Variants in GREB1L observed in about 807,000 individuals in gnomAD.
GREB1L encodes GREB1-like protein.
GREB1L carries 17 observed loss-of-function variants against 200.8 expected under a neutral mutation model. That is an observed-to-expected ratio of 0.08 (90% CI 0.06 to 0.13). GREB1L has a LOEUF of 0.13. Among genes scored for constraint, GREB1L ranks in the 10% least tolerant of loss-of-function variants. GREB1L has a pLI of 1.00. For synonymous variants in GREB1L, 789 were observed against 893.0 expected (o/e 0.88, Z 2.08); for missense variants, 1,657 against 2,367.7 (o/e 0.70, Z 6.23).
At chr18:21,284,405 A>G (rs2038320761) in intron 1 of GREB1L, among the ~76,000 whole-genome samples, 1 of 152,200 alleles carries the variant, frequency 6.6e-6, no homozygotes, top group Non-Finnish European at 1.5e-5. Flanking sequence ...TATTCTAGAA[A>G]TTTCATACAG....
chr18:21,372,693 G>A (rs1446728190), intron 2 of GREB1L, among the ~76,000 whole-genome samples: 27 of 151,990 alleles, frequency 1.8e-4, no homozygotes, highest in East Asian at 1.2e-3. Context: ...AGGCCGAGGC[G>A]GGTGGATCAC....
chr18:21,515,092 C>T (rs1190385258), intron 28 of GREB1L, among the ~76,000 whole-genome samples: 1 of 152,112 alleles, frequency 6.6e-6, no homozygotes, highest in Non-Finnish European at 1.5e-5. Flanking sequence ...ACACAATTAC[C>T]AGAACTGGGA....
In GREB1L at chr18:21,353,452, T is replaced by G. The variant is rs114120362; in HGVS notation, c.-119-12575T>G. The stretch of plus-strand genomic sequence containing the variant: ...GGGTGGGGGTACTAATGTTTTACTT[T>G]ATTATATATATAATAGACATTAGCT... On this transcript the variant is annotated intron_variant, in intron 1 of 32. Coordinates refer to ENST00000424526, the MANE Select transcript of GREB1L (RefSeq NM_001142966.3). Among the ~76,000 whole-genome samples the G allele has an allele frequency of 7.7e-3, 1,169 of 152,198 alleles. 13 individuals are homozygous for G. Among genetic ancestry groups the G allele is most frequent in the African/African-American group, 0.026 (1,097 of 41,546 alleles).
chr18:21,458,840 C>CT (rs2034901261), intron 15 of GREB1L, among the ~76,000 whole-genome samples: 1 of 152,042 alleles, frequency 6.6e-6, no homozygotes, highest in Admixed American at 6.5e-5. Context: ...TTTTAGTGTC[C>CT]TTTTTTTAGA....
At position 21,490,040 on chromosome 18, in the gene GREB1L, C is replaced by T. The variant is rs1220209021; in HGVS notation, c.2719C>T (p.Arg907Cys). ...CCCCAGGCTGCACAGCATGGTCGTC[C>T]GCTGCTATCTTCTCATCCAGCAGTA... Reference protein sequence around the residue: ...RYPRLHSMVVRCYLLIQQYSE... With the variant: ...RYPRLHSMVVCCYLLIQQYSE... The change falls in exon 19 of 33, where the codon CGC becomes TGC. Residue 907 changes from arginine to cysteine, a missense_variant. Transcript: ENST00000424526. 1.3e-6 allele frequency: 2 copies of T among 1,551,734 alleles called. No individual in the cohort carries two copies. Among genetic ancestry groups the T allele is most frequent in the East Asian group, 2.4e-5 (1 of 40,916 alleles).
At chr18:21,520,530 TTAAC>T (rs1251584415) in intron 31 of GREB1L, among the ~76,000 whole-genome samples, 154 bp from the exon 32 acceptor site, 2 of 152,232 alleles carry the variant, frequency 1.3e-5, no homozygotes, top group South Asian at 4.1e-4. Flanking sequence ...GCTGCAAAGC[TTAAC>T]TAACCAAGCC....
intron 1 of GREB1L, among the ~76,000 whole-genome samples, chr18:21,338,259 C>A (rs1040299113): frequency 2.0e-5 from 3 of 152,196 alleles, no homozygotes; most frequent in Non-Finnish European, 4.4e-5. Context: ...AATAAGAGCT[C>A]TACATGGCAA....
intron 1 of GREB1L, among the ~76,000 whole-genome samples, chr18:21,361,015 T>C (rs1458804825): frequency 7.2e-5 from 11 of 152,202 alleles, no homozygotes; most frequent in Admixed American, 7.2e-4. Flanking sequence ...TGGTGGTCTG[T>C]TATCTATTTT....
At chr18:21,507,523 G>GA (rs1004151313) in intron 25 of GREB1L, among the ~76,000 whole-genome samples, 6 of 152,148 alleles carry the variant, frequency 3.9e-5, no homozygotes, top group African/African-American at 9.7e-5. Flanking sequence ...ATAGGTTACT[G>GA]AAAAAACGTG....
At chr18:21,458,768 A>T (rs778318613) in intron 15 of GREB1L, among the ~76,000 whole-genome samples, 2 of 152,240 alleles carry the variant, frequency 1.3e-5, no homozygotes, top group Non-Finnish European at 2.9e-5. Flanking sequence ...CGTAACGTAG[A>T]CTTGTAACTG....
intron 1 of GREB1L, among the ~76,000 whole-genome samples, chr18:21,351,092 A>G (rs2039426309): frequency 6.6e-6 from 1 of 152,150 alleles, no homozygotes; most frequent in East Asian, 1.9e-4. Flanking sequence ...ATACACTGAA[A>G]AAGTTTAATT....
chr18:21,305,944 C>T (rs565889470), intron 1 of GREB1L, among the ~76,000 whole-genome samples: 1 of 152,334 alleles, frequency 6.6e-6, no homozygotes, highest in Admixed American at 6.5e-5. Context: ...TCAAGTCTTT[C>T]CTAAGATGTC....
At chr18:21,278,064 G>A (rs1365775314) in intron 1 of GREB1L, among the ~76,000 whole-genome samples, 1 of 152,100 alleles carries the variant, frequency 6.6e-6, no homozygotes, top group Non-Finnish European at 1.5e-5. Flanking sequence ...AGCCATTTAG[G>A]CTTATAGATT....
chr18:21,463,663 G>T (rs979552996), intron 15 of GREB1L, among the ~76,000 whole-genome samples: 2 of 151,860 alleles, frequency 1.3e-5, no homozygotes, highest in Non-Finnish European at 2.9e-5. Context: ...TTCCAGCCTC[G>T]AACTCCCAGG....
chr18:21,457,202 C>G (rs2034807670), intron 15 of GREB1L, among the ~76,000 whole-genome samples: 1 of 151,670 alleles, frequency 6.6e-6, no homozygotes, highest in Non-Finnish European at 1.5e-5. Flanking sequence ...TCAGATTTTT[C>G]TAAAGTGTTT....
intron 7 of GREB1L, among the ~76,000 whole-genome samples, chr18:21,407,475 A>T (rs1409496207): frequency 6.6e-6 from 1 of 152,204 alleles, no homozygotes; most frequent in Non-Finnish European, 1.5e-5. Flanking sequence ...GAGAGCTTAA[A>T]TTCAACTTTT....
chr18:21,244,967 T>C lies in GREB1L; in HGVS notation c.-120+2574T>C, dbSNP rs532578967. On this transcript the variant is annotated intron_variant, in intron 1 of 32. Transcript: ENST00000424526. ...TTTAATTTATACTTCTCTGAAGTGT[T>C]TAGATTATGAACATCCCTTATAGCT... Among the ~76,000 whole-genome samples, 8 of 152,316 alleles carry C rather than the reference T, an allele frequency of 5.3e-5. No homozygotes were observed. The South Asian group carries it at 1.4e-3, about 28-fold the overall frequency.
intron 1 of GREB1L, among the ~76,000 whole-genome samples, chr18:21,282,691 C>T (rs1003178190): frequency 1.3e-5 from 2 of 152,114 alleles, no homozygotes; most frequent in Non-Finnish European, 2.9e-5. Context: ...CCTCCGCCTC[C>T]TGGGTTCAAG....
intron 1 of GREB1L, among the ~76,000 whole-genome samples, chr18:21,291,220 T>C (rs2038445073): frequency 1.3e-5 from 2 of 152,108 alleles, no homozygotes; most frequent in African/African-American, 2.4e-5. Flanking sequence ...ACCCAAGCAT[T>C]CTCACATCTC....
Sources: gnomAD v4.1 joint callset for allele counts (sites outside exome capture counted in the v4.1 genomes callset) on GRCh38, gnomAD v4.1.1 for gene constraint, MANE v1.5 for transcripts, NCBI Gene and HGNC (gene_info 2026-07-23, HGNC 2026-07-21) for gene names.